ATXN2: variants seen among roughly 807,000 people sequenced by gnomAD.
The protein encoded by ATXN2 is ataxin 2, also known as ataxin-2.
In ATXN2, 37 loss-of-function variants were observed where a neutral mutation model predicts 138.6. The observed-to-expected ratio is 0.27, with a 90% CI of 0.21 to 0.35. The LOEUF (loss-of-function observed/expected upper bound fraction) is 0.35, where lower values mean the gene tolerates loss of function less well. Among genes scored for constraint, ATXN2 ranks in the 10% least tolerant of loss-of-function variants. The probability of loss-of-function intolerance (pLI) is 1.00; values close to 1 mark genes in which losing one functional copy is unlikely to be tolerated. For synonymous variants in ATXN2, 549 were observed against 543.7 expected (o/e 1.01, Z -0.13); for missense variants, 1,216 against 1,480.3 (o/e 0.82, Z 2.93).
chr12:111,508,771 C>T (rs1031849770), intron 14 of ATXN2, among the ~76,000 whole-genome samples: 1 of 152,028 alleles, frequency 6.6e-6, no homozygotes, highest in African/African-American at 2.4e-5. Context: ...AGGTTAACAA[C>T]TGTTAATAGC....
intron 5 of ATXN2, among the ~76,000 whole-genome samples, chr12:111,551,147 A>C (rs913039964): frequency 6.6e-6 from 1 of 152,052 alleles, no homozygotes; most frequent in African/African-American, 2.4e-5. Flanking sequence ...AAATACAAAA[A>C]TTAGCTTGGT....
At chr12:111,597,170 G>A (rs1161019281) in intron 1 of ATXN2, among the ~76,000 whole-genome samples, 3 of 151,570 alleles carry the variant, frequency 2.0e-5, no homozygotes, top group African/African-American at 7.3e-5. Context: ...GGGGCGGGGC[G>A]TGTAAAGTCA....
intron 18 of ATXN2, among the ~76,000 whole-genome samples, chr12:111,472,620 G>A (rs12300764): frequency 0.1 from 15,582 of 152,132 alleles, 2,669 homozygotes; most frequent in African/African-American, 0.35. Flanking sequence ...CCAAGCTGGA[G>A]TGCAGTGGTG....
At chr12:111,529,669 T>C (rs1048440382) in intron 5 of ATXN2, among the ~76,000 whole-genome samples, 2 of 152,184 alleles carry the variant, frequency 1.3e-5, no homozygotes, top group East Asian at 3.8e-4. Flanking sequence ...GAACCTCTTC[T>C]GGGTATCCCC....
At chr12:111,599,639 G>T, upstream of ATXN2, 2 of 1,084,594 alleles carry the variant, frequency 1.8e-6, no homozygotes, top group Non-Finnish European at 2.2e-6. Context: ...AGGGACACGT[G>T]AGGAGCGGGC....
In ATXN2 at chr12:111,452,670, G is replaced by C; in HGVS notation, c.*142C>G. ...ATCTTCCACTGCAAGTGAACTGTTA[G>C]CATTCCTATTGGATGTTACAAGAAA... On this transcript the variant is annotated 3_prime_UTR_variant, in exon 25 of 25. Coordinates refer to ENST00000673436, the MANE Select transcript of ATXN2 (RefSeq NM_001372574.1). 1.0e-6 allele frequency: 1 copy of C among 966,598 alleles called. No homozygotes were observed. The highest frequency in any genetic ancestry group is 1.6e-6 in the Non-Finnish European group (1 of 617,330). The allele number at this position is 966,598 out of a possible 1,614,324, so 59.9% of individuals were successfully genotyped here. A position where few individuals can be genotyped will look rare whatever the true frequency, so the allele number is the denominator to read the frequency against.
chr12:111,467,807 TACCTCAAACACA>T (rs1876128436), intron 20 of ATXN2, among the ~76,000 whole-genome samples: 2 of 152,230 alleles, frequency 1.3e-5, no homozygotes, highest in Non-Finnish European at 2.9e-5. Flanking sequence ...AAATCATCTG[TACCTCAAACACA>T]GTATTTACCC....
At chr12:111,526,490 C>T (rs1880515174) in intron 5 of ATXN2, among the ~76,000 whole-genome samples, 1 of 151,608 alleles carries the variant, frequency 6.6e-6, no homozygotes, top group African/African-American at 2.4e-5. Flanking sequence ...CTGCAACATC[C>T]ACCTTCCAGG....
chr12:111,518,414 T>C lies in ATXN2; in HGVS notation c.1000A>G (p.Ile334Val), dbSNP rs542177770. 2.9e-5 allele frequency: 46 copies of C among 1,599,246 alleles called. No homozygotes were observed. The South Asian group carries it at 3.2e-4, about 11-fold the overall frequency. ...HSINTRENKY[I>V]PPGQRNREVI... Reference sequence around the variant, plus strand: ...TCTCTATTTCTTTGTCCAGGAGGAATATATTTATTTTCCCTGAAAATGAGA... The same window carrying C: ...TCTCTATTTCTTTGTCCAGGAGGAACATATTTATTTTCCCTGAAAATGAGA... Residue 334 changes from isoleucine to valine, a missense_variant, in exon 9 of 25, where the codon ATT becomes GTT. Physicochemically the swap from Ile to Val is conservative, Grantham distance 29. Coordinates refer to ENST00000673436, the MANE Select transcript of ATXN2 (RefSeq NM_001372574.1).
intron 5 of ATXN2, among the ~76,000 whole-genome samples, chr12:111,538,192 A>T (rs1256524266): frequency 6.6e-6 from 1 of 152,186 alleles, no homozygotes; most frequent in African/African-American, 2.4e-5. Context: ...ATAGAAAAAA[A>T]ATCCCTAAGA....
At chr12:111,531,162 C>G (rs143156466) in intron 5 of ATXN2, among the ~76,000 whole-genome samples, 1 of 152,272 alleles carries the variant, frequency 6.6e-6, no homozygotes, top group African/African-American at 2.4e-5. Flanking sequence ...CATCTGTAAT[C>G]CCAGCACTTT....
chr12:111,548,112 G>C (rs964629834), intron 5 of ATXN2, among the ~76,000 whole-genome samples: 2 of 151,978 alleles, frequency 1.3e-5, no homozygotes, highest in Non-Finnish European at 2.9e-5. Flanking sequence ...ATAACTGCTT[G>C]AACCCAGGAG....
intron 5 of ATXN2, among the ~76,000 whole-genome samples, chr12:111,551,146 A>T (rs1882093713): frequency 6.6e-6 from 1 of 151,976 alleles, no homozygotes; most frequent in African/African-American, 2.4e-5. Context: ...AAAATACAAA[A>T]ATTAGCTTGG....
At chr12:111,549,952 C>T (rs545232338) in intron 5 of ATXN2, among the ~76,000 whole-genome samples, 1 of 151,544 alleles carries the variant, frequency 6.6e-6, no homozygotes, top group South Asian at 2.1e-4. Context: ...TAACCAGCTA[C>T]TCGGGAGGCT....
At chr12:111,484,285 C>CT (rs771539297) in intron 18 of ATXN2, among the ~76,000 whole-genome samples, 14,017 of 142,120 alleles carry the variant, frequency 0.099, 2,130 homozygotes, top group African/African-American at 0.33. Flanking sequence ...TTGGAATTAA[C>CT]TTTTTTTTTT....
In ATXN2 at chr12:111,513,338, A is replaced by G; in HGVS notation, c.1558+19T>C. 1 of 1,607,568 alleles carries G rather than the reference A, an allele frequency of 6.2e-7. No homozygotes were observed. The highest frequency in any genetic ancestry group is 8.5e-7 in the Non-Finnish European group (1 of 1,178,338). On this transcript the variant is annotated intron_variant, in intron 11 of 24. Transcript: ENST00000673436. ...TAATGACAAAATGAGTACCATCATTATGCCCAAGTGTTACCTACCCCCACT... is the reference window on the plus strand; with the variant it reads ...TAATGACAAAATGAGTACCATCATTGTGCCCAAGTGTTACCTACCCCCACT...
At chr12:111,573,666 C>T (rs545303109) in intron 1 of ATXN2, among the ~76,000 whole-genome samples, 3 of 152,162 alleles carry the variant, frequency 2.0e-5, no homozygotes, top group Non-Finnish European at 4.4e-5. Context: ...CCATCACTTC[C>T]TCATCTGTAA....
At chr12:111,454,442 A>C (rs1874907696) in intron 23 of ATXN2, 1 of 154,186 alleles carries the variant, frequency 6.5e-6, no homozygotes, top group African/African-American at 2.4e-5. Context: ...ATGCTGATGG[A>C]GCAGGAGGAG....
chr12:111,546,694 A>C (rs924912562), intron 5 of ATXN2, among the ~76,000 whole-genome samples: 1 of 152,212 alleles, frequency 6.6e-6, no homozygotes, highest in Non-Finnish European at 1.5e-5. Flanking sequence ...AATGGATGGA[A>C]AATCAAGTAA....
Sources: gnomAD v4.1 joint callset for allele counts (sites outside exome capture counted in the v4.1 genomes callset) on GRCh38, gnomAD v4.1.1 for gene constraint, MANE v1.5 for transcripts, NCBI Gene and HGNC (gene_info 2026-07-23, HGNC 2026-07-21) for gene names.